The following STC1 variants were observed in gnomAD, a reference collection of about 807,000 sequenced individuals.
STC1 encodes the protein stanniocalcin 1.
In STC1, 7 loss-of-function variants were observed where a neutral mutation model predicts 22.6. The ratio of observed to expected loss-of-function variants is 0.31; its 90% CI spans 0.18 to 0.58. The LOEUF (loss-of-function observed/expected upper bound fraction) is 0.58. STC1 is among the 20% of genes least tolerant of loss of function. The pLI, the probability that STC1 is intolerant of heterozygous loss-of-function variation, is 0.89. For synonymous variants in STC1, 113 were observed against 120.7 expected (o/e 0.94, Z 0.42); for missense variants, 224 against 311.0 (o/e 0.72, Z 2.10).
chr8:23,842,440 G>C lies in STC1; in HGVS notation c.*2330C>G, dbSNP rs767982927. 1 of 141,654 alleles carries C rather than the reference G, an allele frequency of 7.1e-6. No individual in the cohort carries two copies. Among genetic ancestry groups the C allele is most frequent in the African/African-American group, 2.7e-5 (1 of 37,658 alleles). The allele number at this position is 141,654 out of a possible 1,614,324, so 8.8% of individuals were successfully genotyped here. On this transcript the variant is annotated 3_prime_UTR_variant, in exon 4 of 4. Transcript: ENST00000290271. ...TGTAGATACATATATAGATATCATCGTGGGGAGAAAAGGGGGGGTACCACG... is the reference window on the plus strand; with the variant it reads ...TGTAGATACATATATAGATATCATCCTGGGGAGAAAAGGGGGGGTACCACG...
chr8:23,849,581 C>G (rs1478683911), intron 3 of STC1, among the ~76,000 whole-genome samples: 1 of 152,152 alleles, frequency 6.6e-6, no homozygotes, highest in Non-Finnish European at 1.5e-5. Context: ...ATTGGGACCT[C>G]TAGTCGAGTA....
intron 3 of STC1, among the ~76,000 whole-genome samples, chr8:23,847,062 G>C (rs2117739030): frequency 6.6e-6 from 1 of 152,306 alleles, no homozygotes; most frequent in Non-Finnish European, 1.5e-5. Flanking sequence ...TAACTTAGAA[G>C]TTAACCCTTC....
chr8:23,851,335 T>C lies in STC1; in HGVS notation c.458A>G (p.Asn153Ser), dbSNP rs142662420. 12 of 1,614,072 alleles carry C rather than the reference T, an allele frequency of 7.4e-6. No homozygotes were observed. Among genetic ancestry groups the C allele is most frequent in the African/African-American group, 2.7e-5 (2 of 75,006 alleles). ...CAGTTTGTACCTGTTGGAGAAGTGA[T>C]TGGGCAGCTGGACGACCTCAGTGAT... ...EAITEVVQLPNHFSNRYYNRL... is the reference protein window; with the variant it reads ...EAITEVVQLPSHFSNRYYNRL... The change falls in exon 3 of 4, where the codon AAT becomes AGT. Residue 153 changes from asparagine (N) to serine (S), a missense_variant. By Grantham distance (46) the Asn-to-Ser change is conservative. Transcript: ENST00000290271.
At position 23,843,379 on chromosome 8, in the gene STC1, G is replaced by A. The variant is rs973553465; in HGVS notation, c.*1391C>T. On this transcript the variant is annotated 3_prime_UTR_variant, in exon 4 of 4. Coordinates refer to ENST00000290271, the MANE Select transcript of STC1 (RefSeq NM_003155.3). ...TGCCAGGACTACTTTGGCAGGCAGC[G>A]TGCTACAGGACGAAAATGTAAGAGA... The A allele has an allele frequency of 2.6e-5, 4 of 152,058 alleles. No homozygotes were observed. Among genetic ancestry groups the A allele is most frequent in the South Asian group, 2.1e-4 (1 of 4,798 alleles). 9.4% of individuals were successfully genotyped at this position (152,058 alleles called of 1,614,324 possible). A position where few individuals can be genotyped will look rare whatever the true frequency, so the allele number is the denominator to read the frequency against.
intron 1 of STC1, among the ~76,000 whole-genome samples, chr8:23,852,927 C>T (rs1345724861): frequency 2.6e-5 from 4 of 152,088 alleles, no homozygotes; most frequent in South Asian, 2.1e-4. Context: ...TTTAACTTAC[C>T]GTCATATTGG....
Position 23,844,516 on chromosome 8 carries a change from A to G in STC1, c.*254T>C. On this transcript the variant is annotated 3_prime_UTR_variant, in exon 4 of 4. Coordinates refer to ENST00000290271, the MANE Select transcript of STC1 (RefSeq NM_003155.3). The stretch of plus-strand genomic sequence containing the variant: ...AGCAGGGGAAAAACATGGCAGAGGA[A>G]GTTGGTAAAAGAGGGTACTTTCTCC... 1 of 498,598 alleles carries G rather than the reference A, an allele frequency of 2.0e-6. No individual in the cohort carries two copies. The highest frequency in any genetic ancestry group is 3.6e-6 in the Non-Finnish European group (1 of 276,938). The allele number at this position is 498,598 out of a possible 1,614,324, so 30.9% of individuals were successfully genotyped here.
chr8:23,851,279 TCCCAGTC>T, intron 3 of STC1, 34 bp downstream of exon 3: 1 of 1,606,600 alleles, frequency 6.2e-7, no homozygotes, highest in Non-Finnish European at 8.5e-7. Flanking sequence ...AGCCACCTGC[TCCCAGTC>T]CCCTGATTGT....
chr8:23,852,087 C>A (rs1802644977), intron 2 of STC1, among the ~76,000 whole-genome samples, 155 bp downstream of exon 2: 2 of 151,036 alleles, frequency 1.3e-5, no homozygotes, highest in South Asian at 2.1e-4. Context: ...TGTGTGCATG[C>A]ACACACTTGT....
At chr8:23,853,795 C>T (rs568394080) in intron 1 of STC1, among the ~76,000 whole-genome samples, 3 of 152,122 alleles carry the variant, frequency 2.0e-5, no homozygotes, top group Admixed American at 1.3e-4. Context: ...TCTCTGGCTA[C>T]GGGCTGCAGG....
intron 3 of STC1, 68 bp downstream of exon 3, chr8:23,851,252 G>C: frequency 6.6e-7 from 1 of 1,509,498 alleles, no homozygotes; most frequent in Non-Finnish European, 9.2e-7. Flanking sequence ...CTCCCTCCCA[G>C]TCTGGCTCTG....
Position 23,854,572 on chromosome 8 carries a change from C to T in STC1, c.-49G>A. ...TGTTGGGTTTTTTTTTTTTCCTGCC[C>T]CCCTTTCCTCTTTCCCTCTCCTGGC... On this transcript the variant is annotated 5_prime_UTR_variant, in exon 1 of 4. Transcript: ENST00000290271. The T allele has an allele frequency of 7.0e-7, 1 of 1,434,698 alleles. No individual in the cohort carries two copies. Among genetic ancestry groups the T allele is most frequent in the Non-Finnish European group, 9.8e-7 (1 of 1,017,452 alleles). 88.9% of individuals were successfully genotyped at this position (1,434,698 alleles called of 1,614,324 possible).
chr8:23,852,232 G>T lies in STC1; in HGVS notation c.261+10C>A, dbSNP rs1391599764. 3 of 1,614,090 alleles carry T rather than the reference G, an allele frequency of 1.9e-6. No individual in the cohort carries two copies. In the African/African-American group the frequency reaches 4.0e-5, roughly 22 times the overall value. ...GCAGCCAGTGGGAGCAGGGGTCAAG[G>T]TTTTATTACCTGAGTGTCAAATTTA... On this transcript the variant is annotated intron_variant, in intron 2 of 3. Transcript: ENST00000290271.
chr8:23,847,010 G>A (rs986117855), intron 3 of STC1, among the ~76,000 whole-genome samples: 3 of 152,164 alleles, frequency 2.0e-5, no homozygotes, highest in Admixed American at 6.5e-5. Flanking sequence ...TTAGATCCTG[G>A]TGGGTGGTTT....
intron 1 of STC1, 59 bp downstream of exon 1, chr8:23,854,347 G>C: frequency 6.9e-7 from 1 of 1,450,432 alleles, no homozygotes; most frequent in Admixed American, 1.7e-5. Context: ...GTTGCAAAAG[G>C]GAGAGGCAAA....
Position 23,842,501 on chromosome 8 carries a change from A to G in STC1, c.*2269T>C, listed in dbSNP as rs979367663. On this transcript the variant is annotated 3_prime_UTR_variant, in exon 4 of 4. Coordinates refer to ENST00000290271, the MANE Select transcript of STC1 (RefSeq NM_003155.3). ...GTCACAGCCAAAAAAAAAAAAAAAA[A>G]AAAAGAAAAGAAAAAAGGAAATCTA... 1.3e-5 allele frequency: 2 copies of G among 151,810 alleles called. No homozygotes were observed. The highest frequency in any genetic ancestry group is 2.4e-5 in the African/African-American group (1 of 41,262). The allele number at this position is 151,810 out of a possible 1,614,324, so 9.4% of individuals were successfully genotyped here. A position where few individuals can be genotyped will look rare whatever the true frequency, so the allele number is the denominator to read the frequency against.
intron 3 of STC1, among the ~76,000 whole-genome samples, chr8:23,849,539 G>A (rs1802612370): frequency 6.6e-6 from 1 of 152,026 alleles, no homozygotes. Context: ...ATAATAGCCT[G>A]GTTAAAAATT....
Position 23,843,081 on chromosome 8 carries a change from A to G in STC1, c.*1689T>C, listed in dbSNP as rs1802532681. 6.6e-6 allele frequency: 1 copy of G among 152,616 alleles called. No individual in the cohort carries two copies. Among genetic ancestry groups the G allele is most frequent in the African/African-American group, 2.4e-5 (1 of 41,394 alleles). The allele number at this position is 152,616 out of a possible 1,614,324, so 9.5% of individuals were successfully genotyped here. A position where few individuals can be genotyped will look rare whatever the true frequency, so the allele number is the denominator to read the frequency against. ...ATAGTTTCTACCTAAGCGAGTTTGGAGTGGCCCCTGCAGTCCTACCCCTCC... is the reference window on the plus strand; with the variant it reads ...ATAGTTTCTACCTAAGCGAGTTTGGGGTGGCCCCTGCAGTCCTACCCCTCC... On this transcript the variant is annotated 3_prime_UTR_variant, in exon 4 of 4. Coordinates refer to ENST00000290271, the MANE Select transcript of STC1 (RefSeq NM_003155.3).
intron 3 of STC1, among the ~76,000 whole-genome samples, chr8:23,846,920 T>C (rs962323900): frequency 6.6e-6 from 1 of 152,210 alleles, no homozygotes; most frequent in Non-Finnish European, 1.5e-5. Context: ...CACACCCATA[T>C]AGATCTCCAG....
rs2117743919 is a variant in STC1, at chr8:23,851,618, C to T, written c.262-87G>A. The T allele has an allele frequency of 9.2e-6, 11 of 1,200,826 alleles. No individual in the cohort carries two copies. The South Asian group carries it at 1.2e-4, about 13-fold the overall frequency. 74.4% of individuals were successfully genotyped at this position (1,200,826 alleles called of 1,614,324 possible). ...ATACATGGAGGAATTTAAGGGGGCTCATCTGGGCAACGTATCATGGCCATC... is the reference window on the plus strand; with the variant it reads ...ATACATGGAGGAATTTAAGGGGGCTTATCTGGGCAACGTATCATGGCCATC... On this transcript the variant is annotated intron_variant, in intron 2 of 3. Transcript: ENST00000290271.
Sources: allele counts gnomAD v4.1 joint callset (sites outside exome capture counted in the v4.1 genomes callset), GRCh38; gene constraint gnomAD v4.1.1; transcripts MANE v1.5; gene names NCBI Gene and HGNC (gene_info 2026-07-23, HGNC 2026-07-21).